The following RNF182 variants were observed in gnomAD, a reference collection of about 807,000 sequenced individuals.
The protein encoded by RNF182 is E3 ubiquitin-protein ligase RNF182.
In RNF182, 15 loss-of-function variants were observed where a neutral mutation model predicts 14.4. That is an observed-to-expected ratio of 1.04 (90% CI 0.70 to 1.60). RNF182 has a LOEUF of 1.60. RNF182 is among the 40% of genes most tolerant of loss of function. The pLI is 0.00. For missense variants in RNF182, 268 were observed against 294.8 expected, an observed-to-expected ratio of 0.91 and a Z score of 0.67; for synonymous variants, 128 against 122.9, an observed-to-expected ratio of 1.04 and a Z score of -0.27.
intron 1 of RNF182, among the ~76,000 whole-genome samples, chr6:13,940,049 T>C (rs759718393): frequency 2.0e-5 from 3 of 152,256 alleles, no homozygotes; most frequent in Non-Finnish European, 4.4e-5. Context: ...ACCTCAATTA[T>C]AATTTTGAAT....
chr6:13,959,110 A>G (rs1759800823), intron 1 of RNF182, among the ~76,000 whole-genome samples: 1 of 152,206 alleles, frequency 6.6e-6, no homozygotes, highest in Admixed American at 6.5e-5. Flanking sequence ...CCAGCCAGCC[A>G]GAATTCTGAA....
chr6:13,934,947 T>C (rs916808764), intron 1 of RNF182, among the ~76,000 whole-genome samples: 4 of 152,050 alleles, frequency 2.6e-5, no homozygotes, highest in Admixed American at 1.3e-4. Context: ...TCAGATGAAA[T>C]GCGGTTAGAA....
chr6:13,956,989 C>T (rs1218816152), intron 1 of RNF182, among the ~76,000 whole-genome samples: 1 of 152,060 alleles, frequency 6.6e-6, no homozygotes, highest in Admixed American at 6.6e-5. Flanking sequence ...ATCACCTGTC[C>T]ACTGTGTGAC....
intron 1 of RNF182, chr6:13,949,161 T>C: frequency 1.3e-6 from 1 of 791,532 alleles, no homozygotes; most frequent in South Asian, 1.3e-5. Context: ...CCTGAATATT[T>C]TGGCATCTTC....
intron 1 of RNF182, among the ~76,000 whole-genome samples, chr6:13,972,826 C>T (rs986583911): frequency 2.6e-5 from 4 of 152,166 alleles, no homozygotes; most frequent in African/African-American, 2.4e-5. Context: ...AGAACTTCTG[C>T]TAGGGCAGTG....
intron 1 of RNF182, among the ~76,000 whole-genome samples, chr6:13,958,629 A>T (rs1759788335): frequency 6.6e-6 from 1 of 152,194 alleles, no homozygotes; most frequent in Admixed American, 6.5e-5. Flanking sequence ...ATGGTAAGCA[A>T]CATATTAGTG....
chr6:13,944,920 A>G (rs2113603717), intron 1 of RNF182, among the ~76,000 whole-genome samples: 1 of 152,290 alleles, frequency 6.6e-6, no homozygotes, highest in South Asian at 2.1e-4. Context: ...AGTGATTTAC[A>G]TTAATAACAG....
chr6:13,961,778 G>C lies in RNF182; in HGVS notation c.-366-12432G>C, dbSNP rs922621494. ...ATTAAATTGCATGTTCTTGGAGGAG[G>C]GGGGAGGTAAGAGTTTTAATTGTTG... On this transcript the variant is annotated intron_variant, in intron 1 of 2. Coordinates refer to ENST00000488300, the MANE Select transcript of RNF182 (RefSeq NM_152737.4). 2.6e-5 allele frequency among the ~76,000 whole-genome samples: 4 copies of C among 152,218 alleles called. No individual in the cohort carries two copies. The South Asian group carries it at 6.2e-4, about 24-fold the overall frequency.
chr6:13,946,140 C>CT (rs10525203), intron 1 of RNF182, among the ~76,000 whole-genome samples: 6 of 137,414 alleles, frequency 4.4e-5, no homozygotes, highest in Non-Finnish European at 4.6e-5. Context: ...TAAAGCAAAA[C>CT]ATTATTATTA....
At chr6:13,968,715 A>G (rs1289168891) in intron 1 of RNF182, among the ~76,000 whole-genome samples, 9 of 152,180 alleles carry the variant, frequency 5.9e-5, no homozygotes, top group Non-Finnish European at 1.0e-4. Flanking sequence ...AAGAATGCAC[A>G]CACACAAAGG....
chr6:13,967,858 C>A (rs1387128746), intron 1 of RNF182, among the ~76,000 whole-genome samples: 2 of 152,096 alleles, frequency 1.3e-5, no homozygotes, highest in African/African-American at 4.8e-5. Context: ...CCATGCCTGG[C>A]CCTGTATTAC....
intron 1 of RNF182, among the ~76,000 whole-genome samples, chr6:13,951,646 C>T (rs1003189655): frequency 1.3e-5 from 2 of 152,186 alleles, no homozygotes; most frequent in Non-Finnish European, 2.9e-5. Flanking sequence ...AGGCCAGAAG[C>T]CTGACTGGTA....
At position 13,964,372 on chromosome 6, in the gene RNF182, G is replaced by A. The variant is rs185513723; in HGVS notation, c.-366-9838G>A. Among the ~76,000 whole-genome samples the A allele has an allele frequency of 4.6e-5, 7 of 152,316 alleles. No homozygotes were observed. In the East Asian group the frequency reaches 1.3e-3, roughly 29 times the overall value. On this transcript the variant is annotated intron_variant, in intron 1 of 2. Transcript: ENST00000488300. ...TACATATCTTTATGTAATAGCCGCTGAACATGCTTAGTATTGCCAATGTTC... is the reference window on the plus strand; with the variant it reads ...TACATATCTTTATGTAATAGCCGCTAAACATGCTTAGTATTGCCAATGTTC...
At chr6:13,956,634 C>T (rs1211325580) in intron 1 of RNF182, among the ~76,000 whole-genome samples, 2 of 152,024 alleles carry the variant, frequency 1.3e-5, no homozygotes, top group Middle Eastern at 3.2e-3. Flanking sequence ...CTGTCCTTTG[C>T]GTTAGACTAC....
In RNF182 at chr6:13,938,743, A is replaced by G. The variant is rs544606319; in HGVS notation, c.-367+13720A>G. 7.9e-5 allele frequency among the ~76,000 whole-genome samples: 12 copies of G among 152,340 alleles called. No individual in the cohort carries two copies. The South Asian group carries it at 2.1e-3, about 26-fold the overall frequency. On this transcript the variant is annotated intron_variant, in intron 1 of 2. Transcript: ENST00000488300. ...TTGCAGTGGCATTCTTTTCATAAAA[A>G]TAAGTAATCATATGCTTGTGAATCT...
intron 1 of RNF182, among the ~76,000 whole-genome samples, chr6:13,955,274 C>T (rs1223417382): frequency 6.6e-6 from 1 of 152,132 alleles, no homozygotes; most frequent in African/African-American, 2.4e-5. Flanking sequence ...AACTCTTGAT[C>T]TAGATTGATT....
chr6:13,938,004 GTTT>G, intron 1 of RNF182, among the ~76,000 whole-genome samples: 1 of 79,600 alleles, frequency 1.3e-5, no homozygotes, highest in South Asian at 5.4e-4. Context: ...TTTTCTTACT[GTTT>G]TTTTTTTTTT....
At chr6:13,943,985 G>A (rs1759370822) in intron 1 of RNF182, among the ~76,000 whole-genome samples, 1 of 152,172 alleles carries the variant, frequency 6.6e-6, no homozygotes, top group South Asian at 2.1e-4. Flanking sequence ...GTGCAAATTG[G>A]TTCTTGTGTC....
At chr6:13,938,845 G>T (rs1561776992) in intron 1 of RNF182, among the ~76,000 whole-genome samples, 1 of 152,162 alleles carries the variant, frequency 6.6e-6, no homozygotes, top group Non-Finnish European at 1.5e-5. Flanking sequence ...CACTTTGGGA[G>T]GCCGAGGTGG....
Sources: gnomAD v4.1 joint callset for allele counts (sites outside exome capture counted in the v4.1 genomes callset) on GRCh38, gnomAD v4.1.1 for gene constraint, MANE v1.5 for transcripts, NCBI Gene and HGNC (gene_info 2026-07-23, HGNC 2026-07-21) for gene names.